Variants in RELN observed in about 807,000 individuals in gnomAD.
RELN encodes reelin.
RELN carries 108 observed loss-of-function variants against 427.6 expected under a neutral mutation model. The observed-to-expected ratio is 0.25, with a 90% CI of 0.22 to 0.30. RELN has a LOEUF of 0.30. RELN is among the 10% of genes least tolerant of loss of function. The pLI is 1.00. For missense variants in RELN, 3,715 were observed against 4,302.8 expected (o/e 0.86, Z 3.82); for synonymous variants, 1,524 against 1,513.4 (o/e 1.01, Z -0.16).
At chr7:103,821,363 T>C (rs1296037241) in intron 3 of RELN, among the ~76,000 whole-genome samples, 2 of 152,182 alleles carry the variant, frequency 1.3e-5, no homozygotes, top group Admixed American at 6.6e-5. Flanking sequence ...CAGTTGGCTC[T>C]GTTATCACAT....
At chr7:103,657,440 C>T (rs1833045402) in intron 12 of RELN, among the ~76,000 whole-genome samples, 1 of 151,746 alleles carries the variant, frequency 6.6e-6, no homozygotes, top group South Asian at 2.1e-4. Flanking sequence ...TAAGGATTTA[C>T]CAAAAAAGGA....
chr7:103,618,184 C>A (rs1443035261), intron 20 of RELN, among the ~76,000 whole-genome samples: 1 of 152,208 alleles, frequency 6.6e-6, no homozygotes, highest in Non-Finnish European at 1.5e-5. Context: ...TTTGCTTGCT[C>A]CATCAAGGAC....
chr7:103,490,606 C>CTG, intron 59 of RELN, 62 bp downstream of exon 59: 1 of 1,552,668 alleles, frequency 6.4e-7, no homozygotes, highest in South Asian at 1.1e-5. Flanking sequence ...TTTCAGCTCA[C>CTG]TGCATGAACT....
At chr7:103,617,111 A>C (rs1463629982) in intron 20 of RELN, among the ~76,000 whole-genome samples, 6 of 152,062 alleles carry the variant, frequency 3.9e-5, no homozygotes, top group Admixed American at 6.5e-5. Flanking sequence ...CTTAATCTAC[A>C]TTTTTTGATT....
At chr7:103,794,215 G>A (rs1036746671) in intron 3 of RELN, among the ~76,000 whole-genome samples, 7 of 152,076 alleles carry the variant, frequency 4.6e-5, no homozygotes, top group African/African-American at 1.4e-4. Flanking sequence ...ACTCTTGACC[G>A]CTTAATTTAG....
At chr7:103,572,088 A>G in intron 31 of RELN, 96 bp downstream of exon 31, 1 of 753,056 alleles carries the variant, frequency 1.3e-6, no homozygotes, top group Admixed American at 1.8e-5. Flanking sequence ...ATTCAGGGTA[A>G]TGTATCAGTT....
intron 62 of RELN, 105 bp downstream of exon 62, chr7:103,483,548 A>T: frequency 1.7e-6 from 2 of 1,143,710 alleles, no homozygotes; most frequent in Non-Finnish European, 2.7e-6. Context: ...GTTTTGTGGC[A>T]TTGGTGCATT....
Position 103,640,443 on chromosome 7 carries a change from G to T in RELN, c.2069+100C>A. Reference sequence around the variant, plus strand: ...AATATCCAACTTTTTGTCTTAAAAAGATCCCCGATCCTAAAAAAGGTTATT... The same window carrying T: ...AATATCCAACTTTTTGTCTTAAAAATATCCCCGATCCTAAAAAAGGTTATT... On this transcript the variant is annotated intron_variant, in intron 17 of 64. Coordinates refer to ENST00000428762, the MANE Select transcript of RELN (RefSeq NM_005045.4). The surrounding 1 kb of genome is among the most constrained non-coding windows in gnomAD (Gnocchi z 4.1). 8.4e-7 allele frequency: 1 copy of T among 1,190,378 alleles called. No homozygotes were observed. The highest frequency in any genetic ancestry group is 1.2e-6 in the Non-Finnish European group (1 of 805,420). The allele number at this position is 1,190,378 out of a possible 1,614,324, so 73.7% of individuals were successfully genotyped here.
chr7:103,771,203 C>A (rs1045838911), intron 4 of RELN, among the ~76,000 whole-genome samples: 2 of 151,752 alleles, frequency 1.3e-5, no homozygotes, highest in Non-Finnish European at 2.9e-5. Flanking sequence ...AGGTGTGAGC[C>A]GCCACGCCCA....
intron 1 of RELN, among the ~76,000 whole-genome samples, chr7:103,978,288 TC>T (rs1325714238): frequency 6.6e-6 from 1 of 152,196 alleles, no homozygotes; most frequent in Non-Finnish European, 1.5e-5. Context: ...TCAACTTTTT[TC>T]AGATTCCACA....
At chr7:103,508,061 AAGCCCAGGACC>A (rs1156902101) in intron 51 of RELN, among the ~76,000 whole-genome samples, 1 of 152,220 alleles carries the variant, frequency 6.6e-6, no homozygotes, top group African/African-American at 2.4e-5. Flanking sequence ...TAAACAAAAA[AAGCCCAGGACC>A]AGGTGGATTC....
rs1562993052 is a variant in RELN, at chr7:103,755,136, TTTG to T, written c.545-1925_545-1923del. Among the ~76,000 whole-genome samples, 11 of 151,996 alleles carry T rather than the reference TTTG, an allele frequency of 7.2e-5. No homozygotes were observed. The South Asian group carries it at 2.3e-3, about 32-fold the overall frequency. ...TGGAGATGAGGACCGAAGGGATTTT[TTTG>T]TTGTTTGTTTTGTTTCTTAAGATAT... On this transcript the variant is annotated intron_variant, in intron 4 of 64. Coordinates refer to ENST00000428762, the MANE Select transcript of RELN (RefSeq NM_005045.4).
chr7:103,751,208 AAAAT>A (rs1197052831), intron 5 of RELN, among the ~76,000 whole-genome samples: 1 of 152,238 alleles, frequency 6.6e-6, no homozygotes, highest in African/African-American at 2.4e-5. Flanking sequence ...TGGAAAAATT[AAAAT>A]AATATCTGAT....
chr7:103,508,543 A>G (rs1453608819), intron 51 of RELN, among the ~76,000 whole-genome samples: 1 of 152,226 alleles, frequency 6.6e-6, no homozygotes, highest in Non-Finnish European at 1.5e-5. Context: ...AGCCAATATC[A>G]TACTGAATGG....
At chr7:103,551,702 C>A (rs558410331) in intron 40 of RELN, among the ~76,000 whole-genome samples, 2 of 152,224 alleles carry the variant, frequency 1.3e-5, no homozygotes, top group South Asian at 4.2e-4. Context: ...TCTTATGACA[C>A]CTTCCAAATA....
chr7:103,827,772 T>C (rs558249123), intron 3 of RELN, among the ~76,000 whole-genome samples: 5 of 151,898 alleles, frequency 3.3e-5, no homozygotes, highest in Non-Finnish European at 5.9e-5. Context: ...TGTCTCAAGT[T>C]GGGAGATGCC....
chr7:103,506,582 A>G (rs981107170), intron 51 of RELN, among the ~76,000 whole-genome samples: 3 of 152,238 alleles, frequency 2.0e-5, no homozygotes, highest in African/African-American at 7.2e-5. Flanking sequence ...GGAAAGGAAC[A>G]ACCAGTACCA....
At chr7:103,792,222 C>G (rs553591184) in intron 3 of RELN, among the ~76,000 whole-genome samples, 1 of 152,076 alleles carries the variant, frequency 6.6e-6, no homozygotes, top group South Asian at 2.1e-4. Flanking sequence ...GTTGTATACA[C>G]AAGAAACACA....
chr7:103,604,667 G>T (rs1325164792), intron 22 of RELN, among the ~76,000 whole-genome samples, 184 bp from the exon 23 acceptor site: 2 of 152,122 alleles, frequency 1.3e-5, no homozygotes, highest in East Asian at 3.8e-4. Context: ...ATGAAAGAAA[G>T]TTAAAGAGAA....
Sources: gnomAD v4.1 joint callset for allele counts (sites outside exome capture counted in the v4.1 genomes callset) on GRCh38, gnomAD v4.1.1 for gene constraint, Gnocchi (gnomAD v3.1) non-coding constraint, MANE v1.5 for transcripts, NCBI Gene and HGNC (gene_info 2026-07-23, HGNC 2026-07-21) for gene names.